CLNK: variants seen among roughly 807,000 people sequenced by gnomAD.
CLNK encodes the protein cytokine dependent hematopoietic cell linker.
Under a neutral mutation model 68.6 loss-of-function variants are expected in CLNK, and 74 were observed. That is an observed-to-expected ratio of 1.08 (90% CI 0.89 to 1.31). The LOEUF (loss-of-function observed/expected upper bound fraction) is 1.31. Among genes scored for constraint, CLNK ranks in the 50% most tolerant of loss-of-function variants. The pLI, the probability that CLNK is intolerant of heterozygous loss-of-function variation, is 0.00. For missense variants in CLNK, 553 were observed against 515.3 expected (o/e 1.07, Z -0.71); for synonymous variants, 198 against 172.2 (o/e 1.15, Z -1.17).
chr4:10,621,214 A>G (rs1176737085), intron 2 of CLNK, among the ~76,000 whole-genome samples: 2 of 152,194 alleles, frequency 1.3e-5, no homozygotes, highest in Non-Finnish European at 2.9e-5. Flanking sequence ...GTTTTTCCAC[A>G]GTATGTCCTT....
At chr4:10,576,488 T>C (rs180957018) in intron 4 of CLNK, among the ~76,000 whole-genome samples, 19 of 152,206 alleles carry the variant, frequency 1.2e-4, no homozygotes, top group African/African-American at 4.6e-4. Flanking sequence ...AAAGTTACTT[T>C]TAGGAGGGAA....
intron 13 of CLNK, among the ~76,000 whole-genome samples, chr4:10,527,179 C>A (rs1718354783): frequency 6.6e-6 from 1 of 152,150 alleles, no homozygotes; most frequent in Admixed American, 6.5e-5. Flanking sequence ...TGTTGTGTTG[C>A]CTGATGAAAC....
the CLNK span, among the ~76,000 whole-genome samples, chr4:10,701,688 G>A: frequency 1.2e-4 from 19 of 152,322 alleles, no homozygotes; most frequent in African/African-American, 4.1e-4. Flanking sequence ...TAGCTCATTT[G>A]ATCCTTACAA....
intron 18 of CLNK, among the ~76,000 whole-genome samples, chr4:10,493,925 T>C (rs1716699912): frequency 6.6e-6 from 1 of 152,228 alleles, no homozygotes. Flanking sequence ...AGAATGGAAT[T>C]GATGCATATG....
intron 4 of CLNK, among the ~76,000 whole-genome samples, chr4:10,573,053 T>A (rs982986799): frequency 2.0e-5 from 3 of 152,166 alleles, no homozygotes; most frequent in African/African-American, 7.2e-5. Flanking sequence ...ATTCTCGAAC[T>A]CCTGACCTCA....
At chr4:10,708,791 T>C in the CLNK span, among the ~76,000 whole-genome samples, 1 of 152,192 alleles carries the variant, frequency 6.6e-6, no homozygotes, top group Non-Finnish European at 1.5e-5. Context: ...GTTTCATGCA[T>C]GTTGAAAGGA....
chr4:10,607,166 G>T (rs1294644060), intron 2 of CLNK, among the ~76,000 whole-genome samples: 4 of 152,192 alleles, frequency 2.6e-5, no homozygotes, highest in African/African-American at 4.8e-5. Context: ...GGGAAAAGGT[G>T]CATCCATAGA....
intron 8 of CLNK, among the ~76,000 whole-genome samples, chr4:10,543,026 G>A (rs1719098747): frequency 6.6e-6 from 1 of 152,094 alleles, no homozygotes; most frequent in African/African-American, 2.4e-5. Context: ...AATACAATGC[G>A]ATCCTTCCTG....
At chr4:10,625,835 C>T (rs1722646791) in intron 2 of CLNK, among the ~76,000 whole-genome samples, 1 of 152,198 alleles carries the variant, frequency 6.6e-6, no homozygotes, top group African/African-American at 2.4e-5. Context: ...CAAACTCCTA[C>T]TGATGCATCT....
chr4:10,491,844 A>G (rs1716587804), intron 18 of CLNK, among the ~76,000 whole-genome samples: 4 of 152,072 alleles, frequency 2.6e-5, no homozygotes, highest in Admixed American at 2.6e-4. Context: ...ATAATGGTGA[A>G]GTTTGGGCTT....
At chr4:10,518,212 A>T (rs1717918957) in intron 15 of CLNK, among the ~76,000 whole-genome samples, 1 of 152,160 alleles carries the variant, frequency 6.6e-6, no homozygotes, top group Non-Finnish European at 1.5e-5. Flanking sequence ...AACCAAACTG[A>T]TATCAATAAT....
At chr4:10,732,765 C>T in the CLNK span, among the ~76,000 whole-genome samples, 1 of 151,852 alleles carries the variant, frequency 6.6e-6, no homozygotes, top group Non-Finnish European at 1.5e-5. Context: ...TAAATAGCCA[C>T]AGGAAGCCAA....
chr4:10,573,641 G>A (rs747935816), intron 4 of CLNK, among the ~76,000 whole-genome samples: 12 of 152,288 alleles, frequency 7.9e-5, no homozygotes, highest in Middle Eastern at 3.4e-3. Context: ...CCTCGTTATC[G>A]AGGAAAACAA....
At chr4:10,694,154 G>A in the CLNK span, among the ~76,000 whole-genome samples, 1 of 151,696 alleles carries the variant, frequency 6.6e-6, no homozygotes, top group Non-Finnish European at 1.5e-5. Context: ...AGTCTTTTCA[G>A]CAGCAGAAGC....
chr4:10,650,118 A>T (rs893392880), intron 2 of CLNK, among the ~76,000 whole-genome samples: 1 of 152,194 alleles, frequency 6.6e-6, no homozygotes. Flanking sequence ...GAAAAAAATT[A>T]TATTATAGGT....
intron 2 of CLNK, among the ~76,000 whole-genome samples, chr4:10,624,447 C>T (rs756353574): frequency 2.6e-5 from 4 of 152,178 alleles, no homozygotes; most frequent in Non-Finnish European, 5.9e-5. Context: ...CGCCCGCCAC[C>T]ACGCCCGGCT....
At chr4:10,596,527 A>G (rs1721394906) in intron 3 of CLNK, among the ~76,000 whole-genome samples, 1 of 152,248 alleles carries the variant, frequency 6.6e-6, no homozygotes, top group Non-Finnish European at 1.5e-5. Flanking sequence ...AGGAGTAAAT[A>G]CATTGGTTTA....
the CLNK span, among the ~76,000 whole-genome samples, chr4:10,699,494 C>CTCTCTCTCTATATATATATA: frequency 8.8e-5 from 5 of 56,982 alleles, no homozygotes; most frequent in African/African-American, 3.6e-4. Flanking sequence ...CTCTCTCTCT[C>CTCTCTCTCTATATATATATA]TATATATATA....
At chr4:10,497,207 G>T (rs1320035580) in intron 18 of CLNK, among the ~76,000 whole-genome samples, 1 of 152,170 alleles carries the variant, frequency 6.6e-6, no homozygotes, top group African/African-American at 2.4e-5. Flanking sequence ...TGGCTATGAG[G>T]ATTCAATAGA....
Sources: allele counts gnomAD v4.1 joint callset (sites outside exome capture counted in the v4.1 genomes callset), GRCh38; gene constraint gnomAD v4.1.1; transcripts MANE v1.5; gene names NCBI Gene and HGNC (gene_info 2026-07-23, HGNC 2026-07-21).